IMPA1: variants seen among roughly 807,000 people sequenced by gnomAD.
IMPA1 encodes D-galactose 1-phosphate phosphatase.
A neutral mutation model predicts 34.9 loss-of-function variants in IMPA1; 21 were observed. The ratio of observed to expected loss-of-function variants is 0.60; its 90% CI spans 0.43 to 0.87. IMPA1 has a LOEUF of 0.87. Ranked by LOEUF, IMPA1 falls within the 40% of genes least tolerant of loss-of-function variation. The pLI is 0.00. For synonymous variants in IMPA1, 95 were observed against 104.4 expected (o/e 0.91, Z 0.55); for missense variants, 299 against 336.4 (o/e 0.89, Z 0.87).
chr8:81,663,442 T>C (rs916231216), intron 7 of IMPA1, among the ~76,000 whole-genome samples: 1 of 152,200 alleles, frequency 6.6e-6, no homozygotes, highest in Non-Finnish European at 1.5e-5. Flanking sequence ...AGAAGTCCAA[T>C]ATTGAAGAAA....
intron 7 of IMPA1, among the ~76,000 whole-genome samples, chr8:81,662,755 T>C (rs1806715127): frequency 6.6e-6 from 1 of 152,190 alleles, no homozygotes; most frequent in Admixed American, 6.5e-5. Flanking sequence ...GCCTAGCATA[T>C]AAAATGTCCA....
intron 1 of IMPA1, among the ~76,000 whole-genome samples, chr8:81,683,170 G>A (rs1807349933): frequency 2.0e-5 from 3 of 152,204 alleles, no homozygotes; most frequent in Admixed American, 6.5e-5. Context: ...CAGCCTAAGA[G>A]TGACAGCTCA....
intron 1 of IMPA1, among the ~76,000 whole-genome samples, chr8:81,685,223 A>G (rs1293510998): frequency 7.7e-6 from 1 of 130,516 alleles, no homozygotes; most frequent in African/African-American, 2.9e-5. Context: ...TATACTATAC[A>G]TAAGTATATT....
intron 3 of IMPA1, among the ~76,000 whole-genome samples, chr8:81,680,081 G>A (rs926537743): frequency 1.7e-4 from 25 of 151,076 alleles, no homozygotes; most frequent in African/African-American, 5.9e-4. Flanking sequence ...GTTGCAGTGA[G>A]GTGAGATCAT....
At chr8:81,674,141 C>T in intron 5 of IMPA1, 192 bp from the exon 6 acceptor site, 1 of 500,824 alleles carries the variant, frequency 2.0e-6, no homozygotes, top group East Asian at 3.1e-5. Flanking sequence ...ATCCTTGACT[C>T]TCCTCCCATC....
rs147925213 is a variant in IMPA1, at chr8:81,679,376, G to A, written c.198-146C>T. 2.4e-4 allele frequency: 144 copies of A among 603,794 alleles called. 1 individual carries two copies. Among genetic ancestry groups the A allele is most frequent in the African/African-American group, 2.3e-3 (126 of 54,254 alleles). The allele number at this position is 603,794 out of a possible 1,614,324, so 37.4% of individuals were successfully genotyped here. A position where few individuals can be genotyped will look rare whatever the true frequency, so the allele number is the denominator to read the frequency against. ...CGCCTGTAATCCCAGCACTTTGGGA[G>A]GCCAGGGAGGGCGGATCACCTGAGT... is the stretch of plus-strand genomic sequence containing the variant. On this transcript the variant is annotated intron_variant, in intron 3 of 8. Transcript: ENST00000256108.
intron 7 of IMPA1, among the ~76,000 whole-genome samples, chr8:81,661,896 G>A (rs184329293): frequency 2.6e-5 from 4 of 152,254 alleles, no homozygotes; most frequent in Admixed American, 1.3e-4. Context: ...TGTTTAAAGC[G>A]ATGGTAATAA....
rs893823103 is a variant in IMPA1, at chr8:81,679,032, A to G, written c.302+94T>C. 28 of 748,500 alleles carry G rather than the reference A, an allele frequency of 3.7e-5. No homozygotes were observed. In the Admixed American group the frequency reaches 6.9e-4, roughly 18 times the overall value. 46.4% of individuals were successfully genotyped at this position (748,500 alleles called of 1,614,324 possible). On this transcript the variant is annotated intron_variant, in intron 4 of 8. Transcript: ENST00000256108. ...TAAAGAAGCATAAACGAAGTATACA[A>G]TTTTCTAAAGTGTACATGTTCCTAA...
chr8:81,684,435 G>T (rs1262040636), intron 1 of IMPA1, among the ~76,000 whole-genome samples: 1 of 139,166 alleles, frequency 7.2e-6, no homozygotes, highest in African/African-American at 2.7e-5. Context: ...CTATACATAA[G>T]TATATTTAGA....
chr8:81,657,415 C>G lies in IMPA1; in HGVS notation c.*1936G>C, dbSNP rs1806548196. Among the ~76,000 whole-genome samples the G allele has an allele frequency of 6.6e-6, 1 of 151,704 alleles. No individual in the cohort carries two copies. Among genetic ancestry groups the G allele is most frequent in the African/African-American group, 2.4e-5 (1 of 41,300 alleles). ...TAAGCAACATAGGAAGATTCTGTCT[C>G]TACAAAAACTAAAAAATTAGCCAGG... On this transcript the variant is annotated 3_prime_UTR_variant, in exon 9 of 9. Coordinates refer to ENST00000256108, the MANE Select transcript of IMPA1 (RefSeq NM_005536.4).
chr8:81,673,989 T>A, intron 5 of IMPA1, 40 bp from the exon 6 acceptor site: 1 of 1,201,010 alleles, frequency 8.3e-7, no homozygotes, highest in South Asian at 1.2e-5. Context: ...AACCTAAGTA[T>A]GTTTCATCCA....
At chr8:81,666,131 AAGAG>A (rs1198818214) in intron 7 of IMPA1, among the ~76,000 whole-genome samples, 1 of 152,234 alleles carries the variant, frequency 6.6e-6, no homozygotes, top group Non-Finnish European at 1.5e-5. Flanking sequence ...AAATGGGATA[AAGAG>A]AGAGAAAAGG....
At chr8:81,660,272 C>G (rs1372744555) in intron 8 of IMPA1, among the ~76,000 whole-genome samples, 1 of 152,180 alleles carries the variant, frequency 6.6e-6, no homozygotes, top group Non-Finnish European at 1.5e-5. Context: ...TACAGCCTTT[C>G]AGGAGTACCT....
intron 7 of IMPA1, among the ~76,000 whole-genome samples, chr8:81,663,198 C>T (rs1585888840): frequency 1.3e-5 from 2 of 152,284 alleles, no homozygotes; most frequent in East Asian, 1.9e-4. Flanking sequence ...TCTTGCAACT[C>T]GTTTATGAGT....
chr8:81,663,787 C>T (rs1316675198), intron 7 of IMPA1, among the ~76,000 whole-genome samples: 1 of 152,152 alleles, frequency 6.6e-6, no homozygotes, highest in Non-Finnish European at 1.5e-5. Context: ...GGCCTGTAAT[C>T]CCAGCACTTT....
In IMPA1 at chr8:81,673,818, T is replaced by A. The variant is rs377431444; in HGVS notation, c.457+23A>T. On this transcript the variant is annotated intron_variant, in intron 6 of 8. Transcript: ENST00000256108. ...TATTGAGCACACAATATGAATAGCA[T>A]CAAAAATTGGAATTAATCCTACCTT... 5.4e-6 allele frequency: 7 copies of A among 1,304,930 alleles called. No homozygotes were observed. In the African/African-American group the frequency reaches 8.7e-5, roughly 16 times the overall value. 80.8% of individuals were successfully genotyped at this position (1,304,930 alleles called of 1,614,324 possible).
chr8:81,683,955 C>T (rs1402140819), intron 1 of IMPA1, among the ~76,000 whole-genome samples: 1 of 152,070 alleles, frequency 6.6e-6, no homozygotes, highest in Non-Finnish European at 1.5e-5. Context: ...GGCAAGACCC[C>T]TTGTGAAATG....
intron 1 of IMPA1, among the ~76,000 whole-genome samples, chr8:81,682,006 T>A (rs1807314294): frequency 6.6e-6 from 1 of 152,140 alleles, no homozygotes; most frequent in Non-Finnish European, 1.5e-5. Context: ...GAAAAAATTA[T>A]GTGTAAAGAT....
intron 6 of IMPA1, among the ~76,000 whole-genome samples, chr8:81,672,151 G>GA (rs1293470770): frequency 6.6e-6 from 1 of 152,160 alleles, no homozygotes; most frequent in Non-Finnish European, 1.5e-5. Context: ...TAAAAGTCTA[G>GA]AAAGATTCTA....
Sources: allele counts gnomAD v4.1 joint callset (sites outside exome capture counted in the v4.1 genomes callset), GRCh38; gene constraint gnomAD v4.1.1; transcripts MANE v1.5; gene names NCBI Gene and HGNC (gene_info 2026-07-23, HGNC 2026-07-21).